The following ENTPD4 variants were observed in gnomAD, a reference collection of about 807,000 sequenced individuals.
ENTPD4 encodes ectonucleoside triphosphate diphosphohydrolase 4, also known as Golgi UDPase.
Under a neutral mutation model 79.1 loss-of-function variants are expected in ENTPD4, and 60 were observed. The ratio of observed to expected loss-of-function variants is 0.76; its 90% CI spans 0.62 to 0.94. The LOEUF is 0.94. ENTPD4 is among the 40% of genes least tolerant of loss of function. The probability of loss-of-function intolerance (pLI) is 0.00; values close to 1 mark genes in which losing one functional copy is unlikely to be tolerated. For missense variants in ENTPD4, 772 were observed against 775.1 expected (o/e 1.00, Z 0.05); for synonymous variants, 276 against 292.0 (o/e 0.95, Z 0.56).
chr8:23,434,530 GGC>G, intron 11 of ENTPD4, 52 bp from the exon 12 acceptor site: 1 of 1,600,484 alleles, frequency 6.2e-7, no homozygotes, highest in Non-Finnish European at 8.5e-7. Flanking sequence ...CTGTCAAGAT[GGC>G]ACACACACAC....
At chr8:23,454,295 G>C (rs1035291366) in intron 1 of ENTPD4, among the ~76,000 whole-genome samples, 7 of 152,178 alleles carry the variant, frequency 4.6e-5, no homozygotes, top group African/African-American at 1.7e-4. Context: ...ATCAGTGATA[G>C]TTGTGTGATA....
intron 1 of ENTPD4, among the ~76,000 whole-genome samples, chr8:23,455,357 C>G (rs1585413478): frequency 1.3e-5 from 2 of 152,294 alleles, no homozygotes; most frequent in Admixed American, 1.3e-4. Flanking sequence ...TCAAAGGATT[C>G]AAGAGAACCT....
In ENTPD4 at chr8:23,432,635, A is replaced by G; in HGVS notation, c.*291T>C. 7.7e-6 allele frequency: 5 copies of G among 650,568 alleles called. No individual in the cohort carries two copies. Among genetic ancestry groups the G allele is most frequent in the Non-Finnish European group, 1.0e-5 (5 of 487,456 alleles). 40.3% of individuals were successfully genotyped at this position (650,568 alleles called of 1,614,324 possible). A position where few individuals can be genotyped will look rare whatever the true frequency, so the allele number is the denominator to read the frequency against. On this transcript the variant is annotated 3_prime_UTR_variant, in exon 13 of 13. Coordinates refer to ENST00000358689, the MANE Select transcript of ENTPD4 (RefSeq NM_004901.5). Reference sequence around the variant, plus strand: ...TGCCTCAGCCTCCTGAGTAGCTGGGACTACGGGCGCCCGCCACCACACCCA... The same window carrying G: ...TGCCTCAGCCTCCTGAGTAGCTGGGGCTACGGGCGCCCGCCACCACACCCA...
In ENTPD4 at chr8:23,441,571, G is replaced by A; in HGVS notation, c.880C>T (p.Gln294Ter). The A allele has an allele frequency of 6.2e-7, 1 of 1,614,014 alleles. No individual in the cohort carries two copies. Among genetic ancestry groups the A allele is most frequent in the South Asian group, 1.1e-5 (1 of 91,056 alleles). Residue 294 changes from glutamine (Q) to a stop codon, truncating the protein, a stop_gained and splice_region_variant, in exon 8 of 13, where the codon CAG becomes TAG. Coordinates refer to ENST00000358689, the MANE Select transcript of ENTPD4 (RefSeq NM_004901.5). LOFTEE classifies it high-confidence loss of function. The part of the protein sequence containing the change: ...PKTVSFASSQ[Q>*]EEVAKNLLAE... Reference sequence around the variant, plus strand: ...AGGAAATTTGTACAGATAATGACCTGCTGTGAGGACGCAAAGCTTACAGTT... The same window carrying A: ...AGGAAATTTGTACAGATAATGACCTACTGTGAGGACGCAAAGCTTACAGTT...
chr8:23,450,593 A>G (rs1409871555), intron 1 of ENTPD4, among the ~76,000 whole-genome samples: 1 of 152,166 alleles, frequency 6.6e-6, no homozygotes, highest in Admixed American at 6.5e-5. Context: ...CTCTCAAGAC[A>G]GCTGTCTCGT....
Position 23,449,933 on chromosome 8 carries a change from G to A in ENTPD4, c.-33C>T, listed in dbSNP as rs773542337. 1.2e-6 allele frequency: 2 copies of A among 1,613,906 alleles called. No homozygotes were observed. The highest frequency in any genetic ancestry group is 1.1e-5 in the South Asian group (1 of 91,074). ...GGTCAGCAACAAGGCAATGCTCTGG[G>A]ATTCAGTCCTTCTCACAAACAATTA... is the stretch of plus-strand genomic sequence containing the variant. On this transcript the variant is annotated 5_prime_UTR_variant, in exon 2 of 13. Transcript: ENST00000358689.
intron 1 of ENTPD4, among the ~76,000 whole-genome samples, chr8:23,451,544 C>T (rs1585411376): frequency 6.6e-6 from 1 of 152,170 alleles, no homozygotes; most frequent in Admixed American, 6.5e-5. Flanking sequence ...CCACCCCTTG[C>T]TCAGGACCCC....
chr8:23,432,235 G>C lies in ENTPD4; in HGVS notation c.*691C>G. The C allele has an allele frequency of 1.0e-6, 1 of 985,244 alleles. No homozygotes were observed. The highest frequency in any genetic ancestry group is 1.2e-6 in the Non-Finnish European group (1 of 829,906). 61.0% of individuals were successfully genotyped at this position (985,244 alleles called of 1,614,324 possible). ...GAGAAAAAAGAGGATTATCATTTCA[G>C]GCAGTAAGTTTTTTGGTTCTATGAA... On this transcript the variant is annotated 3_prime_UTR_variant, in exon 13 of 13. Transcript: ENST00000358689.
chr8:23,450,191 G>A (rs1323762299), intron 1 of ENTPD4, among the ~76,000 whole-genome samples, 194 bp from the exon 2 acceptor site: 1 of 152,216 alleles, frequency 6.6e-6, no homozygotes, highest in African/African-American at 2.4e-5. Context: ...TAAATCAAAA[G>A]AGATGATAAT....
At chr8:23,440,867 T>A (rs551626335) in intron 8 of ENTPD4, among the ~76,000 whole-genome samples, 67 of 152,314 alleles carry the variant, frequency 4.4e-4, no homozygotes, top group South Asian at 1.2e-3. Context: ...AGGAGGATGA[T>A]GAAGAAACCC....
chr8:23,437,673 C>T (rs1800593446), intron 9 of ENTPD4, among the ~76,000 whole-genome samples: 1 of 152,162 alleles, frequency 6.6e-6, no homozygotes, highest in Non-Finnish European at 1.5e-5. Flanking sequence ...AGGTTAGATG[C>T]TTTAGAAAAG....
chr8:23,439,707 C>G, intron 9 of ENTPD4, 42 bp downstream of exon 9: 1 of 1,599,320 alleles, frequency 6.3e-7, no homozygotes, highest in Non-Finnish European at 8.6e-7. Flanking sequence ...GAGGAGAGAC[C>G]TAGGTTTGCA....
At chr8:23,457,334 C>A (rs1800977247) in intron 1 of ENTPD4, among the ~76,000 whole-genome samples, 1 of 150,542 alleles carries the variant, frequency 6.6e-6, no homozygotes, top group Non-Finnish European at 1.5e-5. Flanking sequence ...GCGCGCCGGC[C>A]GCCAGGGCTC....
At position 23,448,939 on chromosome 8, in the gene ENTPD4, C is replaced by T. The variant is rs1382285055; in HGVS notation, c.9G>A (p.Arg3=). ...CAGGAAAAAGACAGGAGATGCCAATCCTGAAATTAGAAGGAAAAAGATTTT... is the reference window on the plus strand; with the variant it reads ...CAGGAAAAAGACAGGAGATGCCAATTCTGAAATTAGAAGGAAAAAGATTTT... MG[R]IGISCLFPAS... is the part of the protein sequence containing the mutation. The change falls in exon 3 of 13, where the codon AGG becomes AGA. Residue 3 remains arginine, a splice_region_variant and synonymous_variant. Transcript: ENST00000358689. 2 of 1,611,722 alleles carry T rather than the reference C, an allele frequency of 1.2e-6. No homozygotes were observed. The highest frequency in any genetic ancestry group is 2.7e-5 in the African/African-American group (2 of 74,746).
intron 4 of ENTPD4, among the ~76,000 whole-genome samples, chr8:23,447,270 T>G (rs1399998016): frequency 3.9e-5 from 6 of 152,236 alleles, no homozygotes; most frequent in Non-Finnish European, 8.8e-5. Context: ...GAACTACATG[T>G]GGCCAGCAAT....
At chr8:23,440,321 T>C (rs1471060528) in intron 8 of ENTPD4, among the ~76,000 whole-genome samples, 1 of 152,158 alleles carries the variant, frequency 6.6e-6, no homozygotes, top group Non-Finnish European at 1.5e-5. Flanking sequence ...CAGTAATCAA[T>C]AGCTTATGGA....
At chr8:23,442,663 C>G (rs1800694311) in intron 6 of ENTPD4, among the ~76,000 whole-genome samples, 1 of 149,542 alleles carries the variant, frequency 6.7e-6, no homozygotes, top group Non-Finnish European at 1.5e-5. Context: ...AGCCTGGTGA[C>G]AGAGCGAGAC....
Position 23,431,874 on chromosome 8 carries a change from T to A in ENTPD4, c.*1052A>T. The A allele has an allele frequency of 1.0e-6, 1 of 985,350 alleles. No homozygotes were observed. Among genetic ancestry groups the A allele is most frequent in the Non-Finnish European group, 1.2e-6 (1 of 829,894 alleles). 61.0% of individuals were successfully genotyped at this position (985,350 alleles called of 1,614,324 possible). A position where few individuals can be genotyped will look rare whatever the true frequency, so the allele number is the denominator to read the frequency against. On this transcript the variant is annotated 3_prime_UTR_variant, in exon 13 of 13. Transcript: ENST00000358689. ...GTTCTAATGCCACTGAAATATGGAA[T>A]AAGGAGCGTAATTACCTGCGGTCAG...
In ENTPD4 at chr8:23,432,987, G is replaced by A. The variant is rs138511953; in HGVS notation, c.1790C>T (p.Ser597Leu). Residue 597 changes from serine (S) to leucine (L), a missense_variant, in exon 13 of 13, where the codon TCG becomes TTG. Coordinates refer to ENST00000358689, the MANE Select transcript of ENTPD4 (RefSeq NM_004901.5). ...CTCCTCCATCCAGAGGGCGGCGGCC[G>A]AGCTGCTCCGGGGAGTGCGCCTGTG... The part of the protein sequence containing the change: ...RIHRRTPRSS[S>L]AAALWMEEGL... 1.6e-4 allele frequency: 256 copies of A among 1,613,754 alleles called. 4 individuals are homozygous for A. The East Asian group carries it at 2.9e-3, about 18-fold the overall frequency.
Sources: allele counts gnomAD v4.1 joint callset (sites outside exome capture counted in the v4.1 genomes callset), GRCh38; gene constraint gnomAD v4.1.1; transcripts MANE v1.5; gene names NCBI Gene and HGNC (gene_info 2026-07-23, HGNC 2026-07-21).